Variants in EEPD1 observed in about 807,000 individuals in gnomAD.
The protein encoded by EEPD1 is endonuclease/exonuclease/phosphatase family domain containing 1, also known as endonuclease/exonuclease/phosphatase family domain-containing protein 1.
Under a neutral mutation model 46.3 loss-of-function variants are expected in EEPD1, and 17 were observed. The ratio of observed to expected loss-of-function variants is 0.37; its 90% CI spans 0.25 to 0.55. The LOEUF is 0.55. Ranked by LOEUF, EEPD1 falls within the 20% of genes least tolerant of loss-of-function variation. The pLI is 0.83. For synonymous variants in EEPD1, 313 were observed against 315.6 expected (o/e 0.99, Z 0.09); for missense variants, 673 against 745.6 (o/e 0.90, Z 1.13).
intron 2 of EEPD1, among the ~76,000 whole-genome samples, chr7:36,223,712 C>T (rs1253036967): frequency 6.6e-6 from 1 of 152,182 alleles, no homozygotes; most frequent in Non-Finnish European, 1.5e-5. Context: ...ATCCCTGCCT[C>T]TTCAGTTAAG....
At chr7:36,296,967 A>C in intron 6 of EEPD1, 26 bp from the exon 7 acceptor site, 1 of 1,611,432 alleles carries the variant, frequency 6.2e-7, no homozygotes, top group Non-Finnish European at 8.5e-7. Context: ...CAACTCTTAA[A>C]CTCATTTTCT....
intron 2 of EEPD1, among the ~76,000 whole-genome samples, chr7:36,209,371 G>A (rs982928586): frequency 6.6e-6 from 1 of 152,186 alleles, no homozygotes; most frequent in Non-Finnish European, 1.5e-5. Flanking sequence ...CTTTCTCATT[G>A]CCGGCTCTGT....
At chr7:36,218,524 G>A (rs888299631) in intron 2 of EEPD1, among the ~76,000 whole-genome samples, 4 of 152,244 alleles carry the variant, frequency 2.6e-5, no homozygotes, top group African/African-American at 9.6e-5. Flanking sequence ...TAATAGGAAG[G>A]CTGCTAAGTG....
intron 2 of EEPD1, among the ~76,000 whole-genome samples, chr7:36,159,923 GGTCGGTA>G (rs1784876027): frequency 1.3e-5 from 2 of 152,216 alleles, no homozygotes; most frequent in Non-Finnish European, 2.9e-5. Context: ...ATAGAAAGAT[GGTCGGTA>G]GTAAGAGTGT....
intron 3 of EEPD1, among the ~76,000 whole-genome samples, chr7:36,243,906 G>A (rs1786595528): frequency 6.7e-6 from 1 of 148,922 alleles, no homozygotes; most frequent in South Asian, 2.2e-4. Context: ...GTGGGGTAGG[G>A]GGAGGGGGGA....
At chr7:36,171,082 T>C (rs113037175) in intron 2 of EEPD1, among the ~76,000 whole-genome samples, 12,542 of 152,076 alleles carry the variant, frequency 0.082, 542 homozygotes, top group African/African-American at 0.095. Context: ...CCACCACACC[T>C]GGCTAATTAT....
At chr7:36,277,179 C>T (rs1787194137) in intron 3 of EEPD1, among the ~76,000 whole-genome samples, 1 of 152,248 alleles carries the variant, frequency 6.6e-6, no homozygotes, top group Admixed American at 6.5e-5. Context: ...TTTGAATCTG[C>T]CCTGCCTCCC....
intron 2 of EEPD1, among the ~76,000 whole-genome samples, chr7:36,180,676 T>C (rs928396587): frequency 6.6e-6 from 1 of 152,140 alleles, no homozygotes; most frequent in Non-Finnish European, 1.5e-5. Context: ...GGATACCTCA[T>C]GAATGCCAGC....
intron 3 of EEPD1, among the ~76,000 whole-genome samples, chr7:36,242,074 A>G (rs139918913): frequency 2.0e-3 from 301 of 152,278 alleles, no homozygotes; most frequent in African/African-American, 7.1e-3. Flanking sequence ...GGCGGAGCAG[A>G]CCCTAAGCCC....
At chr7:36,161,690 G>A (rs1016575598) in intron 2 of EEPD1, among the ~76,000 whole-genome samples, 2 of 152,086 alleles carry the variant, frequency 1.3e-5, no homozygotes, top group Non-Finnish European at 2.9e-5. Context: ...AGGAAGGTGT[G>A]TGTCATTTTA....
At chr7:36,234,207 C>G (rs1398896951) in intron 2 of EEPD1, among the ~76,000 whole-genome samples, 2 of 152,234 alleles carry the variant, frequency 1.3e-5, no homozygotes, top group Non-Finnish European at 2.9e-5. Flanking sequence ...GTGTGAGCCA[C>G]TGTGCCCGGC....
At chr7:36,284,123 G>A (rs1010213482) in intron 4 of EEPD1, among the ~76,000 whole-genome samples, 16 of 152,300 alleles carry the variant, frequency 1.1e-4, no homozygotes, top group Middle Eastern at 3.4e-3. Flanking sequence ...ATCCACCTGC[G>A]GAGGGCCCTC....
intron 2 of EEPD1, among the ~76,000 whole-genome samples, chr7:36,169,758 G>A (rs1305975948): frequency 1.3e-5 from 2 of 152,198 alleles, no homozygotes; most frequent in African/African-American, 4.8e-5. Flanking sequence ...CTGGGAAGGA[G>A]CCTGGAGAAC....
intron 3 of EEPD1, among the ~76,000 whole-genome samples, chr7:36,256,269 A>G (rs144309777): frequency 2.6e-5 from 4 of 152,286 alleles, no homozygotes; most frequent in East Asian, 1.9e-4. Context: ...AATAAGTGCA[A>G]TGTGGTGCTA....
chr7:36,192,410 C>T (rs1469849137), intron 2 of EEPD1, among the ~76,000 whole-genome samples: 2 of 152,208 alleles, frequency 1.3e-5, no homozygotes, highest in Admixed American at 1.3e-4. Context: ...GCAGGGAGTT[C>T]TGTCTGCCTG....
In EEPD1 at chr7:36,272,506, G is replaced by GTT. The variant is rs111825287; in HGVS notation, c.931-8594_931-8593dup. On this transcript the variant is annotated intron_variant, in intron 3 of 7. Coordinates refer to ENST00000242108, the MANE Select transcript of EEPD1 (RefSeq NM_030636.3). ...AAGGTTTTTCTGGTTTTTTGTTGTT[G>GTT]TTTTTTTTTTTTTTTTGTGCTCCCT... Among the ~76,000 whole-genome samples, 365 of 130,472 alleles carry GTT rather than the reference G, an allele frequency of 2.8e-3. 5 individuals carry two copies. Among genetic ancestry groups the GTT allele is most frequent in the South Asian group, 7.1e-3 (28 of 3,962 alleles). 85.6% of individuals were successfully genotyped at this position (130,472 alleles called of 152,430 possible). A position where few individuals can be genotyped will look rare whatever the true frequency, so the allele number is the denominator to read the frequency against.
intron 3 of EEPD1, among the ~76,000 whole-genome samples, chr7:36,270,992 A>G (rs1562708334): frequency 1.5e-5 from 1 of 64,592 alleles, no homozygotes; most frequent in Non-Finnish European, 4.3e-5. Context: ...TATTATTATT[A>G]TTATTTTTTT....
At chr7:36,259,471 C>T (rs1786882849) in intron 3 of EEPD1, among the ~76,000 whole-genome samples, 1 of 152,140 alleles carries the variant, frequency 6.6e-6, no homozygotes, top group Non-Finnish European at 1.5e-5. Context: ...ATACATGTTA[C>T]ACCTTGAACT....
chr7:36,163,252 T>C (rs1389628185), intron 2 of EEPD1, among the ~76,000 whole-genome samples: 3 of 151,820 alleles, frequency 2.0e-5, no homozygotes, highest in Non-Finnish European at 4.4e-5. Context: ...TGTTGTTTTA[T>C]GGGTAGGTTT....
Sources: allele counts gnomAD v4.1 joint callset (sites outside exome capture counted in the v4.1 genomes callset), GRCh38; gene constraint gnomAD v4.1.1; transcripts MANE v1.5; gene names NCBI Gene and HGNC (gene_info 2026-07-23, HGNC 2026-07-21).